PTK2: variants seen among roughly 807,000 people sequenced by gnomAD.
PTK2 encodes the protein focal adhesion kinase 1.
PTK2 carries 45 observed loss-of-function variants against 150.1 expected under a neutral mutation model. That is an observed-to-expected ratio of 0.30 (90% CI 0.24 to 0.38). The LOEUF (loss-of-function observed/expected upper bound fraction) is 0.38, where lower values mean the gene tolerates loss of function less well. Ranked by LOEUF, PTK2 falls within the 10% of genes least tolerant of loss-of-function variation. The pLI, the probability that PTK2 is intolerant of heterozygous loss-of-function variation, is 1.00. For missense variants in PTK2, 919 were observed against 1,307.3 expected, an observed-to-expected ratio of 0.70 and a Z score of 4.58; for synonymous variants, 432 against 449.2, an observed-to-expected ratio of 0.96 and a Z score of 0.48.
At chr8:140,991,821 C>T in intron 1 of PTK2, among the ~76,000 whole-genome samples, 1 of 151,742 alleles carries the variant, frequency 6.6e-6, no homozygotes, top group East Asian at 1.9e-4. Flanking sequence ...CCAGCCCTGG[C>T]AACATGGTAA....
At chr8:140,815,457 A>G (rs2100104155) in intron 10 of PTK2, among the ~76,000 whole-genome samples, 2 of 152,122 alleles carry the variant, frequency 1.3e-5, no homozygotes, top group Non-Finnish European at 2.9e-5. Context: ...AAAAATAACT[A>G]ATCAGTACTA....
chr8:140,920,746 T>C (rs2100167077), intron 2 of PTK2: 1 of 1,288,192 alleles, frequency 7.8e-7, no homozygotes, highest in Non-Finnish European at 1.0e-6. Context: ...TGAAAAACAT[T>C]TATCTACCTT....
rs147956903 is a variant in PTK2, at chr8:140,902,179, G to C, written c.-32-11410C>G. Among the ~76,000 whole-genome samples, 334 of 152,026 alleles carry C rather than the reference G, an allele frequency of 2.2e-3. 7 individuals are homozygous for C. The East Asian group carries it at 0.059, about 27-fold the overall frequency. ...CTCCTGGGTAGCTGGGATTACAGGC[G>C]CACGCCACCACGCCCAGCTAATTTT... On this transcript the variant is annotated intron_variant, in intron 2 of 31. Transcript: ENST00000522684.
At chr8:140,789,280 T>TAAA (rs201077713) in intron 14 of PTK2, among the ~76,000 whole-genome samples, 194 bp downstream of exon 14, 3 of 123,730 alleles carry the variant, frequency 2.4e-5, no homozygotes, top group East Asian at 4.5e-4. Flanking sequence ...TGTCCCATCT[T>TAAA]AAAAAAAAAA....
rs11312570 is a variant in PTK2 at position 140,990,232 on chromosome 8, ATT to A, written c.-122+10891_-122+10892del. On this transcript the variant is annotated intron_variant, in intron 1 of 31. Transcript: ENST00000522684. ...TTATAACTTTAACTCTCCTTGACCAATTTTTTTTTTTTTTTATTTTGAGACAG... is the reference window on the plus strand; with the variant it reads ...TTATAACTTTAACTCTCCTTGACCAATTTTTTTTTTTTTATTTTGAGACAG... Among the ~76,000 whole-genome samples the A allele has an allele frequency of 2.7e-3, 403 of 146,758 alleles. 1 individual carries two copies. The highest frequency in any genetic ancestry group is 0.024 in the Middle Eastern group (7 of 286).
intron 26 of PTK2, among the ~76,000 whole-genome samples, chr8:140,696,525 C>T (rs1435304835): frequency 6.6e-6 from 1 of 152,182 alleles, no homozygotes; most frequent in East Asian, 1.9e-4. Flanking sequence ...GGACAGCCTC[C>T]TACAACAAAG....
At chr8:140,999,976 GCTAA>G (rs2100199348) in intron 1 of PTK2, among the ~76,000 whole-genome samples, 1 of 150,144 alleles carries the variant, frequency 6.7e-6, no homozygotes, top group African/African-American at 2.5e-5. Flanking sequence ...CCAGCTGCAG[GCTAA>G]CTATGCAAGA....
chr8:140,710,650 A>T (rs1210576641), intron 23 of PTK2, among the ~76,000 whole-genome samples: 1 of 152,180 alleles, frequency 6.6e-6, no homozygotes, highest in Non-Finnish European at 1.5e-5. Context: ...CAGCCTGGGC[A>T]ACAGAGTGAG....
At chr8:140,952,692 TAAAC>T (rs1030468931) in intron 1 of PTK2, among the ~76,000 whole-genome samples, 6 of 152,168 alleles carry the variant, frequency 3.9e-5, no homozygotes, top group African/African-American at 1.4e-4. Flanking sequence ...TGTAACAACA[TAAAC>T]AAAATGCCCA....
rs1240768281 is a variant in PTK2 at position 140,782,243 on chromosome 8, GT to G, written c.1177+7230del. The stretch of plus-strand genomic sequence containing the variant: ...TGAATTTATCTTTTAAAATTTGGTT[GT>G]TTTTTTTTTTGGGGGGGGGGACAGG... On this transcript the variant is annotated intron_variant, in intron 14 of 31. Transcript: ENST00000522684. Among the ~76,000 whole-genome samples, 932 of 97,580 alleles carry G rather than the reference GT, an allele frequency of 9.6e-3. 22 individuals are homozygous for G. The highest frequency in any genetic ancestry group is 0.041 in the African/African-American group (819 of 19,816). 64.0% of individuals were successfully genotyped at this position (97,580 alleles called of 152,430 possible).
chr8:140,969,655 T>C (rs1328842562), intron 1 of PTK2, among the ~76,000 whole-genome samples: 2 of 152,040 alleles, frequency 1.3e-5, no homozygotes, highest in African/African-American at 4.8e-5. Flanking sequence ...TCTTGCAAAC[T>C]TGTCAATTCT....
intron 14 of PTK2, among the ~76,000 whole-genome samples, chr8:140,785,034 T>G (rs971677805): frequency 1.3e-5 from 2 of 152,210 alleles, no homozygotes; most frequent in Admixed American, 6.5e-5. Flanking sequence ...CAAACTGTCC[T>G]AAAGTTATCT....
chr8:140,889,325 G>A (rs1357823490), intron 3 of PTK2, among the ~76,000 whole-genome samples: 1 of 152,116 alleles, frequency 6.6e-6, no homozygotes, highest in Non-Finnish European at 1.5e-5. Flanking sequence ...TGCCTCCTGG[G>A]TTCAAGTGTT....
chr8:140,996,514 T>G (rs747860394), intron 1 of PTK2, among the ~76,000 whole-genome samples: 2 of 152,172 alleles, frequency 1.3e-5, no homozygotes, highest in Non-Finnish European at 2.9e-5. Flanking sequence ...GCTTTAAAGC[T>G]TCAAAGGATG....
At chr8:140,899,337 A>C (rs926949534) in intron 2 of PTK2, among the ~76,000 whole-genome samples, 10 of 152,214 alleles carry the variant, frequency 6.6e-5, no homozygotes, top group African/African-American at 2.4e-4. Flanking sequence ...CTCAGCCACT[A>C]TACTGATTAC....
At chr8:140,738,933 A>T in intron 21 of PTK2, 85 bp downstream of exon 24, 3 of 927,382 alleles carry the variant, frequency 3.2e-6, no homozygotes, top group Non-Finnish European at 4.6e-6. Flanking sequence ...AAATCAACCT[A>T]CATATTCCAA....
chr8:140,910,618 T>A (rs1292464252), intron 2 of PTK2, among the ~76,000 whole-genome samples: 1 of 152,064 alleles, frequency 6.6e-6, no homozygotes, highest in Non-Finnish European at 1.5e-5. Flanking sequence ...AACAAAGAAA[T>A]TAAGAATACA....
rs567072097 is a variant in PTK2, at chr8:140,903,586, CT to C, written c.-32-12818del. Among the ~76,000 whole-genome samples the C allele has an allele frequency of 2.0e-3, 305 of 152,254 alleles. 1 individual carries two copies. The highest frequency in any genetic ancestry group is 3.7e-3 in the Non-Finnish European group (252 of 68,018). Reference sequence around the variant, plus strand: ...GGGACAGCATCGAATCTATAAATTACTTTGGGCAGTATGGCCATTTTCACAA... The same window carrying C: ...GGGACAGCATCGAATCTATAAATTACTTGGGCAGTATGGCCATTTTCACAA... On this transcript the variant is annotated intron_variant, in intron 2 of 31. Coordinates refer to ENST00000522684, the Ensembl canonical transcript of PTK2.
intron 10 of PTK2, among the ~76,000 whole-genome samples, chr8:140,810,109 C>T (rs1221245586): frequency 6.6e-6 from 1 of 152,162 alleles, no homozygotes; most frequent in African/African-American, 2.4e-5. Context: ...GTGGAACTGG[C>T]AAGGAGCAAC....
Sources: gnomAD v4.1 joint callset for allele counts (sites outside exome capture counted in the v4.1 genomes callset) on GRCh38, gnomAD v4.1.1 for gene constraint, MANE v1.5 for transcripts, NCBI Gene and HGNC (gene_info 2026-07-23, HGNC 2026-07-21) for gene names.